Variants in PHF20 observed in about 807,000 individuals in gnomAD.
PHF20 encodes the protein PHD finger protein 20, also known as glioma-expressed antigen 2.
A neutral mutation model predicts 113.5 loss-of-function variants in PHF20; 23 were observed. That is an observed-to-expected ratio of 0.20 (90% CI 0.15 to 0.29). The LOEUF (loss-of-function observed/expected upper bound fraction) is 0.29. Among genes scored for constraint, PHF20 ranks in the 10% least tolerant of loss-of-function variants. The pLI is 1.00. For synonymous variants in PHF20, 434 were observed against 457.3 expected (o/e 0.95, Z 0.65); for missense variants, 943 against 1,219.6 (o/e 0.77, Z 3.38).
intron 17 of PHF20, among the ~76,000 whole-genome samples, chr20:35,943,034 A>G (rs377195117): frequency 2.6e-5 from 4 of 152,312 alleles, no homozygotes; most frequent in Admixed American, 6.5e-5. Context: ...TGTGTTAGCC[A>G]GGATGGTCTC....
chr20:35,825,660 TAG>T (rs1368504288), intron 2 of PHF20, among the ~76,000 whole-genome samples: 1 of 152,202 alleles, frequency 6.6e-6, no homozygotes, highest in African/African-American at 2.4e-5. Flanking sequence ...TAATTATTTT[TAG>T]AGAGAGGGTC....
chr20:35,782,384 A>C (rs2041319155), intron 1 of PHF20: 2 of 151,374 alleles, frequency 1.3e-5, no homozygotes, highest in South Asian at 4.2e-4. Flanking sequence ...TCCTGGATTC[A>C]AGCAATTCTC....
intron 9 of PHF20, among the ~76,000 whole-genome samples, chr20:35,890,952 T>G (rs1485949742): frequency 6.6e-6 from 1 of 152,194 alleles, no homozygotes; most frequent in African/African-American, 2.4e-5. Context: ...AACTGCCTCA[T>G]GGAAACATAT....
At chr20:35,902,244 T>C (rs1330680690) in intron 10 of PHF20, among the ~76,000 whole-genome samples, 1 of 152,146 alleles carries the variant, frequency 6.6e-6, no homozygotes, top group East Asian at 1.9e-4. Flanking sequence ...CTGGAGATTA[T>C]GTTGAGTAAA....
At chr20:35,935,946 C>T (rs1405736409) in intron 15 of PHF20, among the ~76,000 whole-genome samples, 2 of 152,124 alleles carry the variant, frequency 1.3e-5, no homozygotes, top group Non-Finnish European at 2.9e-5. Flanking sequence ...AACAATAAAA[C>T]TGGGAGTAAC....
At chr20:35,851,097 T>A (rs962562794) in intron 4 of PHF20, among the ~76,000 whole-genome samples, 1 of 152,168 alleles carries the variant, frequency 6.6e-6, no homozygotes, top group African/African-American at 2.4e-5. Context: ...GAGTCAGTTG[T>A]CTGTCAGGGC....
At chr20:35,848,368 A>G (rs541930600) in intron 4 of PHF20, among the ~76,000 whole-genome samples, 123 of 152,010 alleles carry the variant, frequency 8.1e-4, no homozygotes, top group African/African-American at 2.8e-3. Context: ...CCTGAGTTCA[A>G]GCGATTCTCC....
intron 13 of PHF20, among the ~76,000 whole-genome samples, chr20:35,923,492 A>T (rs2055560536): frequency 6.6e-6 from 1 of 152,182 alleles, no homozygotes; most frequent in African/African-American, 2.4e-5. Flanking sequence ...AGCCCATTTG[A>T]AAGTTTTGGT....
intron 9 of PHF20, among the ~76,000 whole-genome samples, chr20:35,888,674 TCTGGGAGG>T (rs1438817598): frequency 6.6e-6 from 1 of 152,092 alleles, no homozygotes; most frequent in Non-Finnish European, 1.5e-5. Flanking sequence ...ATCCCAGCAC[TCTGGGAGG>T]CTGAGGCAGG....
chr20:35,897,187 T>A (rs558440009), intron 9 of PHF20, among the ~76,000 whole-genome samples: 4 of 151,964 alleles, frequency 2.6e-5, no homozygotes, highest in African/African-American at 9.7e-5. Flanking sequence ...GCACATGCCA[T>A]CATGCCTGGC....
intron 1 of PHF20, chr20:35,775,177 C>G (rs2041146543): frequency 6.6e-6 from 1 of 151,964 alleles, no homozygotes; most frequent in Non-Finnish European, 1.5e-5. Context: ...GTAAGTCACC[C>G]AGGGGTCTTG....
intron 4 of PHF20, among the ~76,000 whole-genome samples, chr20:35,848,476 G>T (rs2042661942): frequency 1.3e-5 from 2 of 152,020 alleles, no homozygotes; most frequent in South Asian, 4.1e-4. Context: ...TGTTGGCCAG[G>T]CTGGTCTCAT....
chr20:35,918,286 G>A (rs1229478308), intron 13 of PHF20, among the ~76,000 whole-genome samples: 3 of 152,128 alleles, frequency 2.0e-5, no homozygotes, highest in African/African-American at 7.2e-5. Context: ...AGTTCCCTGG[G>A]TGTCTTGACA....
At chr20:35,842,219 G>A (rs537901113) in intron 2 of PHF20, among the ~76,000 whole-genome samples, 56 of 152,156 alleles carry the variant, frequency 3.7e-4, no homozygotes, top group East Asian at 1.5e-3. Flanking sequence ...GGTGGCGGGC[G>A]CTGTAATCCC....
intron 1 of PHF20, among the ~76,000 whole-genome samples, chr20:35,784,057 GT>G (rs1210870889): frequency 1.7e-3 from 240 of 139,568 alleles, no homozygotes; most frequent in Admixed American, 1.7e-3. Flanking sequence ...TTGTTTGTGT[GT>G]TTTTTTTTTT....
At chr20:35,868,878 G>C (rs2054366619) in intron 6 of PHF20, among the ~76,000 whole-genome samples, 1 of 152,080 alleles carries the variant, frequency 6.6e-6, no homozygotes, top group Non-Finnish European at 1.5e-5. Context: ...ATCACTTGAG[G>C]TCAGGAATTT....
chr20:35,840,978 C>T (rs1032723977), intron 2 of PHF20, among the ~76,000 whole-genome samples: 1 of 152,298 alleles, frequency 6.6e-6, no homozygotes, highest in South Asian at 2.1e-4. Context: ...TCTTGGGCAT[C>T]CTTCCAGATA....
At chr20:35,812,590 G>A (rs758096693) in intron 2 of PHF20, among the ~76,000 whole-genome samples, 2 of 152,122 alleles carry the variant, frequency 1.3e-5, no homozygotes, top group Non-Finnish European at 2.9e-5. Flanking sequence ...TGGAAATGAG[G>A]TCTAGACTTC....
At chr20:35,790,358 G>A (rs965342702) in intron 1 of PHF20, among the ~76,000 whole-genome samples, 4 of 151,736 alleles carry the variant, frequency 2.6e-5, no homozygotes, top group Admixed American at 6.6e-5. Context: ...ATGCCACCAC[G>A]CCTGGCTAAT....
Sources: gnomAD v4.1 joint callset for allele counts (sites outside exome capture counted in the v4.1 genomes callset) on GRCh38, gnomAD v4.1.1 for gene constraint, MANE v1.5 for transcripts, NCBI Gene and HGNC (gene_info 2026-07-23, HGNC 2026-07-21) for gene names.